The following LINGO2 variants were observed in gnomAD, a reference collection of about 807,000 sequenced individuals.
LINGO2 encodes the protein leucine rich repeat and Ig domain containing 2.
In LINGO2, 14 loss-of-function variants were observed where a neutral mutation model predicts 30.6. The ratio of observed to expected loss-of-function variants is 0.46; its 90% CI spans 0.30 to 0.72. The LOEUF (loss-of-function observed/expected upper bound fraction) is 0.72, where lower values mean the gene tolerates loss of function less well. LINGO2 is among the 30% of genes least tolerant of loss of function. LINGO2 has a pLI of 0.07. For synonymous variants in LINGO2, 317 were observed against 288.5 expected (o/e 1.10, Z -1.00); for missense variants, 729 against 751.7 (o/e 0.97, Z 0.35).
At chr9:28,983,825 G>T in the LINGO2 span, among the ~76,000 whole-genome samples, 2 of 151,704 alleles carry the variant, frequency 1.3e-5, no homozygotes, top group Non-Finnish European at 2.9e-5. Context: ...AATGTTCAAG[G>T]GTACCCTCCA....
the LINGO2 span, among the ~76,000 whole-genome samples, chr9:28,785,673 A>AACACACAC: frequency 4.0e-5 from 3 of 75,838 alleles, no homozygotes; most frequent in South Asian, 9.3e-4. Flanking sequence ...TCTCTCCACA[A>AACACACAC]ACACACACAC....
chr9:28,309,282 G>T (rs566657852), intron 3 of LINGO2, among the ~76,000 whole-genome samples: 5 of 152,034 alleles, frequency 3.3e-5, no homozygotes, highest in Admixed American at 6.6e-5. Context: ...GTCCTTTGTA[G>T]GGACATGGAT....
chr9:28,838,338 G>A, the LINGO2 span, among the ~76,000 whole-genome samples: 4 of 151,936 alleles, frequency 2.6e-5, no homozygotes, highest in African/African-American at 9.7e-5. Context: ...AAGTATAGTT[G>A]TTCTCATACA....
chr9:29,162,375 T>G, the LINGO2 span, among the ~76,000 whole-genome samples: 3 of 152,220 alleles, frequency 2.0e-5, no homozygotes, highest in Non-Finnish European at 2.9e-5. Context: ...TATGAATTCA[T>G]GTTTGAATAT....
chr9:28,737,556 C>G, the LINGO2 span, among the ~76,000 whole-genome samples: 1 of 152,152 alleles, frequency 6.6e-6, no homozygotes, highest in Non-Finnish European at 1.5e-5. Flanking sequence ...TTAAGTCATA[C>G]AGCTAAAGCA....
At chr9:28,342,264 C>A (rs1008622413) in intron 3 of LINGO2, among the ~76,000 whole-genome samples, 2 of 152,082 alleles carry the variant, frequency 1.3e-5, no homozygotes, top group Non-Finnish European at 2.9e-5. Context: ...GTTACTTGTC[C>A]TTGATCTTTT....
chr9:28,640,155 C>G (rs1315269913), intron 1 of LINGO2, among the ~76,000 whole-genome samples: 1 of 152,096 alleles, frequency 6.6e-6, no homozygotes, highest in African/African-American at 2.4e-5. Context: ...GGCCCCCACT[C>G]TCTTCTGGCT....
chr9:28,099,804 C>T (rs996910210), intron 4 of LINGO2, among the ~76,000 whole-genome samples: 1 of 152,158 alleles, frequency 6.6e-6, no homozygotes, highest in African/African-American at 2.4e-5. Flanking sequence ...TCTCCAACTT[C>T]ATTCTCCACC....
chr9:29,003,905 C>T, the LINGO2 span, among the ~76,000 whole-genome samples: 1 of 151,980 alleles, frequency 6.6e-6, no homozygotes, highest in Non-Finnish European at 1.5e-5. Flanking sequence ...AGAAGAGTTA[C>T]CCCTGGAACA....
chr9:28,171,114 G>T (rs558069827), intron 4 of LINGO2, among the ~76,000 whole-genome samples: 254 of 152,284 alleles, frequency 1.7e-3, no homozygotes, highest in Non-Finnish European at 2.8e-3. Flanking sequence ...GGTTCTTGAA[G>T]CACTGGTGGT....
At chr9:29,042,845 T>G in the LINGO2 span, among the ~76,000 whole-genome samples, 1 of 151,930 alleles carries the variant, frequency 6.6e-6, no homozygotes, top group African/African-American at 2.4e-5. Flanking sequence ...ACATAACATA[T>G]GTTTTTATTA....
chr9:28,502,348 CTT>C (rs1470113836), intron 1 of LINGO2, among the ~76,000 whole-genome samples: 2 of 152,040 alleles, frequency 1.3e-5, no homozygotes, highest in African/African-American at 4.8e-5. Context: ...TGACTTCTCT[CTT>C]GTCTGCCCAA....
At chr9:28,599,539 T>G (rs745614854) in intron 1 of LINGO2, among the ~76,000 whole-genome samples, 1 of 152,156 alleles carries the variant, frequency 6.6e-6, no homozygotes, top group Non-Finnish European at 1.5e-5. Flanking sequence ...GAACAGCTTT[T>G]TTTTAATATT....
the LINGO2 span, among the ~76,000 whole-genome samples, chr9:29,192,431 C>G: frequency 1.3e-5 from 2 of 152,138 alleles, no homozygotes; most frequent in African/African-American, 4.8e-5. Flanking sequence ...TCACAATAAT[C>G]TCCAGTATTA....
At chr9:29,213,083 T>C in the LINGO2 span, among the ~76,000 whole-genome samples, 5 of 152,058 alleles carry the variant, frequency 3.3e-5, no homozygotes, top group African/African-American at 9.7e-5. Flanking sequence ...GCCCTCACCA[T>C]AGAGGCGCCT....
intron 2 of LINGO2, among the ~76,000 whole-genome samples, chr9:28,447,243 T>C (rs772106822): frequency 3.9e-5 from 6 of 152,138 alleles, no homozygotes; most frequent in Non-Finnish European, 7.4e-5. Flanking sequence ...AAACCCAATC[T>C]CTAATGCAAC....
chr9:28,356,245 T>C (rs1681592456), intron 3 of LINGO2, among the ~76,000 whole-genome samples: 1 of 152,182 alleles, frequency 6.6e-6, no homozygotes, highest in African/African-American at 2.4e-5. Context: ...AAAAAATCAT[T>C]GAATATCATG....
intron 1 of LINGO2, among the ~76,000 whole-genome samples, chr9:28,495,869 C>T (rs997571643): frequency 2.8e-4 from 43 of 152,272 alleles, no homozygotes; most frequent in African/African-American, 9.6e-4. Flanking sequence ...TCTTTGTTCT[C>T]ATTGGTTTCC....
the LINGO2 span, among the ~76,000 whole-genome samples, chr9:29,183,687 T>G: frequency 6.6e-6 from 1 of 152,206 alleles, no homozygotes; most frequent in East Asian, 1.9e-4. Context: ...AAATTATTTT[T>G]CCCTTGATCT....
Sources: allele counts gnomAD v4.1 joint callset (sites outside exome capture counted in the v4.1 genomes callset), GRCh38; gene constraint gnomAD v4.1.1; transcripts MANE v1.5; gene names NCBI Gene and HGNC (gene_info 2026-07-23, HGNC 2026-07-21).